Variants in DLG2 observed in about 807,000 individuals in gnomAD.
DLG2 encodes the protein disks large homolog 2.
A neutral mutation model predicts 132.5 loss-of-function variants in DLG2; 45 were observed. That is an observed-to-expected ratio of 0.34 (90% CI 0.27 to 0.44). The LOEUF is 0.44. Among genes scored for constraint, DLG2 ranks in the 20% least tolerant of loss-of-function variants. The pLI is 1.00. For synonymous variants in DLG2, 424 were observed against 419.6 expected (o/e 1.01, Z -0.13); for missense variants, 1,045 against 1,196.9 (o/e 0.87, Z 1.87).
chr11:85,073,876 G>C (rs1593672407), intron 6 of DLG2, among the ~76,000 whole-genome samples: 1 of 151,918 alleles, frequency 6.6e-6, no homozygotes, highest in East Asian at 1.9e-4. Flanking sequence ...ACTGGATAAA[G>C]AATCTGTGGT....
At chr11:84,473,495 T>C (rs957304485) in intron 7 of DLG2, among the ~76,000 whole-genome samples, 2 of 152,012 alleles carry the variant, frequency 1.3e-5, no homozygotes, top group Admixed American at 6.6e-5. Context: ...CTTGATGTCA[T>C]TGACAGAAAC....
chr11:84,370,349 T>C (rs775245336), intron 7 of DLG2, among the ~76,000 whole-genome samples: 2 of 152,180 alleles, frequency 1.3e-5, no homozygotes, highest in Non-Finnish European at 2.9e-5. Flanking sequence ...AATTACACCT[T>C]TAAAATCCAC....
At chr11:84,395,637 T>C (rs1413276117) in intron 7 of DLG2, among the ~76,000 whole-genome samples, 1 of 152,170 alleles carries the variant, frequency 6.6e-6, no homozygotes, top group Non-Finnish European at 1.5e-5. Flanking sequence ...AGGCTAGAGG[T>C]TTCTGCCTGA....
At chr11:85,167,181 T>A (rs939358953) in intron 4 of DLG2, among the ~76,000 whole-genome samples, 2 of 152,132 alleles carry the variant, frequency 1.3e-5, no homozygotes, top group Non-Finnish European at 2.9e-5. Flanking sequence ...GCCAGGTCAC[T>A]GGGAAGCACT....
chr11:85,096,707 G>A (rs558912291), intron 6 of DLG2, among the ~76,000 whole-genome samples: 99 of 152,254 alleles, frequency 6.5e-4, no homozygotes, highest in African/African-American at 2.4e-3. Flanking sequence ...CGACCACGAA[G>A]GGACTATCCC....
intron 3 of DLG2, among the ~76,000 whole-genome samples, chr11:85,547,595 A>G (rs1271006762): frequency 1.3e-5 from 2 of 152,058 alleles, no homozygotes; most frequent in Non-Finnish European, 2.9e-5. Flanking sequence ...ACTTGGTTCC[A>G]TTCTCCTTGT....
chr11:84,570,302 C>T (rs941410191), intron 6 of DLG2, among the ~76,000 whole-genome samples: 14 of 152,142 alleles, frequency 9.2e-5, no homozygotes, highest in Non-Finnish European at 2.9e-5. Context: ...AGAATCAGTT[C>T]AGGTGTAATC....
chr11:84,070,737 T>C (rs1241588304), intron 10 of DLG2, among the ~76,000 whole-genome samples: 2 of 152,108 alleles, frequency 1.3e-5, no homozygotes, highest in African/African-American at 4.8e-5. Flanking sequence ...TAATCCTGGG[T>C]TTCTGCCACT....
At chr11:85,430,287 G>T (rs1448240447) in intron 3 of DLG2, among the ~76,000 whole-genome samples, 1 of 151,450 alleles carries the variant, frequency 6.6e-6, no homozygotes, top group East Asian at 1.9e-4. Flanking sequence ...CACCAACATG[G>T]CACATATATA....
intron 7 of DLG2, among the ~76,000 whole-genome samples, chr11:84,488,222 G>GA (rs1200205205): frequency 6.6e-6 from 1 of 151,960 alleles, no homozygotes; most frequent in African/African-American, 2.4e-5. Flanking sequence ...GAAGATCAGA[G>GA]AAAAAAGAGT....
intron 2 of DLG2, among the ~76,000 whole-genome samples, 177 bp downstream of exon 2, chr11:85,626,410 T>G (rs1191320364): frequency 6.6e-6 from 1 of 152,250 alleles, no homozygotes; most frequent in African/African-American, 2.4e-5. Context: ...TATCAATAAA[T>G]ACTATAGTCT....
chr11:85,350,241 C>G (rs1263351277), intron 3 of DLG2, among the ~76,000 whole-genome samples: 1 of 152,098 alleles, frequency 6.6e-6, no homozygotes. Flanking sequence ...TATCCTTTGC[C>G]CACTTTTTGA....
intron 12 of DLG2, 69 bp downstream of exon 12, chr11:83,980,435 CAA>C: frequency 6.7e-7 from 1 of 1,491,210 alleles, no homozygotes; most frequent in Non-Finnish European, 8.9e-7. Flanking sequence ...CCTGAACTGA[CAA>C]AGACAGTCAT....
At chr11:83,991,187 T>C (rs1206710462) in intron 11 of DLG2, among the ~76,000 whole-genome samples, 1 of 152,228 alleles carries the variant, frequency 6.6e-6, no homozygotes. Context: ...TCTTACTCTT[T>C]GGATATTCTC....
chr11:83,733,310 T>C (rs2091356610), intron 18 of DLG2, among the ~76,000 whole-genome samples: 1 of 144,722 alleles, frequency 6.9e-6, no homozygotes, highest in Non-Finnish European at 1.5e-5. Flanking sequence ...GCAACCCTGG[T>C]AAATGAGGAG....
intron 4 of DLG2, among the ~76,000 whole-genome samples, chr11:85,233,014 A>G (rs1430142146): frequency 6.6e-6 from 1 of 151,888 alleles, no homozygotes; most frequent in Non-Finnish European, 1.5e-5. Flanking sequence ...TCCATGCGTT[A>G]TGTTTAATTC....
At chr11:84,034,300 AG>A (rs912132248) in intron 11 of DLG2, among the ~76,000 whole-genome samples, 74 of 152,200 alleles carry the variant, frequency 4.9e-4, no homozygotes, top group African/African-American at 1.6e-3. Context: ...TTTTTAATTA[AG>A]GTTTTTTTGG....
At chr11:83,697,393 C>G (rs1466622853) in intron 18 of DLG2, among the ~76,000 whole-genome samples, 2 of 152,172 alleles carry the variant, frequency 1.3e-5, no homozygotes, top group African/African-American at 4.8e-5. Context: ...AGGCCACTGG[C>G]TTGTTGTAAT....
intron 6 of DLG2, among the ~76,000 whole-genome samples, chr11:84,989,393 C>G (rs2056851037): frequency 6.6e-6 from 1 of 152,082 alleles, no homozygotes; most frequent in East Asian, 1.9e-4. Context: ...CCGGGGTGGT[C>G]TCAAACTCTT....
Sources: gnomAD v4.1 joint callset for allele counts (sites outside exome capture counted in the v4.1 genomes callset) on GRCh38, gnomAD v4.1.1 for gene constraint, MANE v1.5 for transcripts, NCBI Gene and HGNC (gene_info 2026-07-23, HGNC 2026-07-21) for gene names.